ELOVL5: variants seen among roughly 807,000 people sequenced by gnomAD.
ELOVL5 encodes ELOVL fatty acid elongase 5.
In ELOVL5, 8 loss-of-function variants were observed where a neutral mutation model predicts 38.6. The observed-to-expected ratio is 0.21, with a 90% CI of 0.12 to 0.37. ELOVL5 has a LOEUF of 0.37. ELOVL5 is among the 10% of genes least tolerant of loss of function. The pLI is 1.00. For synonymous variants in ELOVL5, 127 were observed against 133.7 expected, an observed-to-expected ratio of 0.95 and a Z score of 0.34; for missense variants, 280 against 367.8, an observed-to-expected ratio of 0.76 and a Z score of 1.95.
chr6:53,283,827 C>T (rs536347485), intron 3 of ELOVL5, among the ~76,000 whole-genome samples: 11 of 152,188 alleles, frequency 7.2e-5, no homozygotes, highest in Admixed American at 4.6e-4. Flanking sequence ...GAATTCTATG[C>T]CTTGATAAAA....
chr6:53,345,344 T>C (rs1034396197), intron 1 of ELOVL5, among the ~76,000 whole-genome samples: 1 of 152,188 alleles, frequency 6.6e-6, no homozygotes, highest in African/African-American at 2.4e-5. Flanking sequence ...TTCTGTTTCT[T>C]GCACCAAAAG....
At chr6:53,320,490 C>T (rs937183143) in intron 1 of ELOVL5, among the ~76,000 whole-genome samples, 14 of 151,996 alleles carry the variant, frequency 9.2e-5, no homozygotes, top group African/African-American at 1.4e-4. Context: ...CACCCACCAC[C>T]GCGCCTGGCT....
intron 3 of ELOVL5, chr6:53,277,675 T>C (rs1039977606): frequency 6.6e-6 from 1 of 152,240 alleles, no homozygotes; most frequent in Non-Finnish European, 1.5e-5. Context: ...TGTATTAACT[T>C]TTCTGTCTTC....
At chr6:53,296,399 T>C (rs538551526) in intron 1 of ELOVL5, among the ~76,000 whole-genome samples, 1 of 152,194 alleles carries the variant, frequency 6.6e-6, no homozygotes, top group African/African-American at 2.4e-5. Flanking sequence ...TAGTAGATGA[T>C]CATGTCAACT....
Position 53,275,181 on chromosome 6 carries a change from G to A in ELOVL5, c.405C>T (p.Asn135=). ...MDTFFFILRK[N]NHQITVLHVY... Reference sequence around the variant, plus strand: ...CGTGCAGGACCGTGATCTGGTGGTTGTTCTTGCGCAGGATGAAGAAGAAAG... The same window carrying A: ...CGTGCAGGACCGTGATCTGGTGGTTATTCTTGCGCAGGATGAAGAAGAAAG... The change falls in exon 5 of 8, where the codon AAC becomes AAT. Residue 135 remains asparagine, a synonymous_variant. Transcript: ENST00000304434. 2 of 1,614,186 alleles carry A rather than the reference G, an allele frequency of 1.2e-6. No individual in the cohort carries two copies. Among genetic ancestry groups the A allele is most frequent in the Non-Finnish European group, 1.7e-6 (2 of 1,180,022 alleles).
chr6:53,301,989 C>G lies in ELOVL5; in HGVS notation c.-8-6282G>C, dbSNP rs147447311. On this transcript the variant is annotated intron_variant, in intron 1 of 7. Transcript: ENST00000304434. The stretch of plus-strand genomic sequence containing the variant: ...GTTCAGCACACCTTCGTCTGACTCA[C>G]CCCCACCACCATGGATCAGTTCTGC... Among the ~76,000 whole-genome samples, 10 of 152,232 alleles carry G rather than the reference C, an allele frequency of 6.6e-5. No homozygotes were observed. The East Asian group carries it at 1.9e-3, about 29-fold the overall frequency.
chr6:53,289,174 A>T (rs1297285950), intron 3 of ELOVL5, among the ~76,000 whole-genome samples: 1 of 152,258 alleles, frequency 6.6e-6, no homozygotes, highest in African/African-American at 2.4e-5. Context: ...AATAAACAAA[A>T]ATACCAAAGA....
intron 3 of ELOVL5, among the ~76,000 whole-genome samples, chr6:53,283,238 C>G (rs1766429393): frequency 6.6e-6 from 1 of 152,180 alleles, no homozygotes; most frequent in Admixed American, 6.5e-5. Flanking sequence ...GAGGTCCCCA[C>G]AACAAATTAT....
intron 1 of ELOVL5, among the ~76,000 whole-genome samples, chr6:53,339,991 C>A (rs573492634): frequency 6.6e-6 from 1 of 152,036 alleles, no homozygotes; most frequent in South Asian, 2.1e-4. Context: ...GATGATCCTG[C>A]CCCTGTACAG....
chr6:53,287,714 C>G (rs1459387815), intron 3 of ELOVL5: 2 of 663,974 alleles, frequency 3.0e-6, no homozygotes, highest in African/African-American at 3.6e-5. Context: ...AATGAAAGAG[C>G]CTGGTGTTGC....
At chr6:53,273,629 T>C (rs1409931187) in intron 5 of ELOVL5, among the ~76,000 whole-genome samples, 2 of 152,240 alleles carry the variant, frequency 1.3e-5, no homozygotes, top group Non-Finnish European at 2.9e-5. Context: ...CCTACAGGCT[T>C]TGCTGCAGAT....
chr6:53,330,236 T>C (rs1275343635), intron 1 of ELOVL5, among the ~76,000 whole-genome samples: 3 of 63,706 alleles, frequency 4.7e-5, no homozygotes, highest in Non-Finnish European at 8.9e-5. Context: ...GGCAAGTATT[T>C]GTATAGCTCA....
intron 6 of ELOVL5, among the ~76,000 whole-genome samples, chr6:53,271,734 C>T (rs1765940007): frequency 6.6e-6 from 1 of 152,180 alleles, no homozygotes; most frequent in Non-Finnish European, 1.5e-5. Context: ...ACCGGGACTC[C>T]AAGCCATGAC....
intron 1 of ELOVL5, among the ~76,000 whole-genome samples, chr6:53,298,536 C>T (rs181262203): frequency 2.2e-4 from 33 of 151,910 alleles, no homozygotes; most frequent in Admixed American, 4.6e-4. Context: ...TTCTGAAAAA[C>T]GGGGAAAAGA....
In ELOVL5 at chr6:53,273,189, A is replaced by C. The variant is rs749381595; in HGVS notation, c.621+31T>G. The C allele has an allele frequency of 3.7e-6, 6 of 1,612,260 alleles. No individual in the cohort carries two copies. In the East Asian group the frequency reaches 1.3e-4, roughly 36 times the overall value. On this transcript the variant is annotated intron_variant, in intron 6 of 7. Coordinates refer to ENST00000304434, the MANE Select transcript of ELOVL5 (RefSeq NM_021814.5). ...AAGAGGTCTGTATCCACCAGGAAGT[A>C]AGTCCTGGGGAAAGAGGCCAAGTCA...
At chr6:53,286,043 C>T (rs1174528429) in intron 3 of ELOVL5, among the ~76,000 whole-genome samples, 1 of 152,092 alleles carries the variant, frequency 6.6e-6, no homozygotes, top group African/African-American at 2.4e-5. Flanking sequence ...TATTGCAATA[C>T]TCATTTTATT....
chr6:53,303,476 GAAGT>G (rs1767346047), intron 1 of ELOVL5, among the ~76,000 whole-genome samples: 1 of 152,030 alleles, frequency 6.6e-6, no homozygotes, highest in Non-Finnish European at 1.5e-5. Context: ...CCATTCTAAG[GAAGT>G]AACAAACTCT....
intron 1 of ELOVL5, among the ~76,000 whole-genome samples, chr6:53,324,518 A>G (rs1022987276): frequency 1.3e-5 from 2 of 151,628 alleles, no homozygotes; most frequent in African/African-American, 4.8e-5. Flanking sequence ...TCTACAAAAA[A>G]TAGGAAAATT....
At chr6:53,325,933 TATTTGTTAAATGAACTAACTCTGGACAG>T (rs1221458168) in intron 1 of ELOVL5, among the ~76,000 whole-genome samples, 1 of 152,206 alleles carries the variant, frequency 6.6e-6, no homozygotes, top group Non-Finnish European at 1.5e-5. Flanking sequence ...GCTCCATAAA[TATTTGTTAAATGAACTAACTCTGGACAG>T]AGCATCAGGG....
Sources: gnomAD v4.1 joint callset for allele counts (sites outside exome capture counted in the v4.1 genomes callset) on GRCh38, gnomAD v4.1.1 for gene constraint, MANE v1.5 for transcripts, NCBI Gene and HGNC (gene_info 2026-07-23, HGNC 2026-07-21) for gene names.